Variants in DOCK8 observed in about 807,000 individuals in gnomAD.
The protein encoded by DOCK8 is dedicator of cytokinesis protein 8.
Under a neutral mutation model 245.6 loss-of-function variants are expected in DOCK8, and 141 were observed. The ratio of observed to expected loss-of-function variants is 0.57; its 90% CI spans 0.50 to 0.66. The LOEUF (loss-of-function observed/expected upper bound fraction) is 0.66. Ranked by LOEUF, DOCK8 falls within the 30% of genes least tolerant of loss-of-function variation. The probability of loss-of-function intolerance (pLI) is 0.00; values close to 1 mark genes in which losing one functional copy is unlikely to be tolerated. For synonymous variants in DOCK8, 1,168 were observed against 970.2 expected, an observed-to-expected ratio of 1.20 and a Z score of -3.79; for missense variants, 2,965 against 2,603.4, an observed-to-expected ratio of 1.14 and a Z score of -3.02.
At chr9:282,091 C>G (rs568415202) in intron 2 of DOCK8, among the ~76,000 whole-genome samples, 13 of 152,282 alleles carry the variant, frequency 8.5e-5, no homozygotes, top group African/African-American at 2.6e-4. Flanking sequence ...GATATATGTT[C>G]TTTATCAAAT....
At chr9:434,318 A>G (rs1416459552) in intron 38 of DOCK8, among the ~76,000 whole-genome samples, 2 of 152,192 alleles carry the variant, frequency 1.3e-5, no homozygotes, top group Non-Finnish European at 2.9e-5. Context: ...TCAGACATAC[A>G]TATATAGTTT....
chr9:415,097 C>G (rs2055930213), intron 29 of DOCK8, 146 bp downstream of exon 29: 1 of 1,166,718 alleles, frequency 8.6e-7, no homozygotes, highest in Non-Finnish European at 1.3e-6. Flanking sequence ...CTCTTTAACA[C>G]TGGCCCCAAT....
At chr9:410,017 T>C (rs2131573518) in intron 28 of DOCK8, among the ~76,000 whole-genome samples, 1 of 152,314 alleles carries the variant, frequency 6.6e-6, no homozygotes, top group South Asian at 2.1e-4. Flanking sequence ...TTATAAATCA[T>C]GCTGCTATAA....
chr9:243,627 T>G (rs1201015177), intron 1 of DOCK8, among the ~76,000 whole-genome samples: 1 of 152,134 alleles, frequency 6.6e-6, no homozygotes, highest in Non-Finnish European at 1.5e-5. Context: ...TTTGGACCAC[T>G]GCAGCGGTCC....
Position 370,199 on chromosome 9 carries a change from A to G in DOCK8, c.1798-31A>G, listed in dbSNP as rs12156499. ...AATTTGATGTACCCAAATGTTACTG[A>G]TAATTTGATCCTTTCTCTACTGGTG... On this transcript the variant is annotated intron_variant, in intron 15 of 47. Transcript: ENST00000432829. 213,766 of 1,582,890 alleles carry G rather than the reference A, an allele frequency of 0.14. 15,785 individuals carry two copies. Among genetic ancestry groups the G allele is most frequent in the Middle Eastern group, 0.18 (1,057 of 6,016 alleles).
chr9:313,234 G>C (rs2050203550), intron 6 of DOCK8, among the ~76,000 whole-genome samples: 1 of 152,196 alleles, frequency 6.6e-6, no homozygotes, highest in South Asian at 2.1e-4. Context: ...AGGGCAATTA[G>C]CCTTCACATC....
chr9:292,067 C>G (rs142389830), intron 4 of DOCK8, among the ~76,000 whole-genome samples: 1 of 14,102 alleles, frequency 7.1e-5, no homozygotes, highest in African/African-American at 1.6e-4. Context: ...AAGACCCTAT[C>G]TCAAAAAAAA....
chr9:296,763 T>C (rs1381328340), intron 4 of DOCK8, among the ~76,000 whole-genome samples: 1 of 152,192 alleles, frequency 6.6e-6, no homozygotes, highest in East Asian at 1.9e-4. Context: ...CACGCCCGGC[T>C]CATCAGCCTA....
At chr9:239,057 A>T (rs1290719613) in intron 1 of DOCK8, among the ~76,000 whole-genome samples, 2 of 152,220 alleles carry the variant, frequency 1.3e-5, no homozygotes, top group African/African-American at 4.8e-5. Flanking sequence ...GGGAACATGC[A>T]CACTCCACAC....
chr9:350,601 C>T (rs973930972), intron 14 of DOCK8, among the ~76,000 whole-genome samples: 9 of 152,118 alleles, frequency 5.9e-5, no homozygotes, highest in African/African-American at 1.2e-4. Context: ...ATTTTAATAA[C>T]GAGCCAACCC....
chr9:226,095 A>T (rs1289273088), intron 1 of DOCK8, among the ~76,000 whole-genome samples: 1 of 152,228 alleles, frequency 6.6e-6, no homozygotes, highest in African/African-American at 2.4e-5. Flanking sequence ...AAGACTGGAT[A>T]ATTTATAAAG....
At chr9:452,277 A>G (rs537522510) in intron 46 of DOCK8, among the ~76,000 whole-genome samples, 160 bp downstream of exon 46, 1 of 152,094 alleles carries the variant, frequency 6.6e-6, no homozygotes. Flanking sequence ...GTGGCTCAGC[A>G]ATGTGCAGTT....
intron 1 of DOCK8, among the ~76,000 whole-genome samples, chr9:216,591 C>T (rs1489019492): frequency 6.7e-6 from 1 of 148,914 alleles, no homozygotes; most frequent in African/African-American, 2.5e-5. Flanking sequence ...AGGGATCTCC[C>T]TATGGGAATT....
intron 2 of DOCK8, among the ~76,000 whole-genome samples, chr9:280,401 G>C (rs1165727111): frequency 1.3e-5 from 2 of 152,242 alleles, no homozygotes; most frequent in African/African-American, 4.8e-5. Flanking sequence ...GGTTCACTCA[G>C]AGAAACAGAA....
intron 26 of DOCK8, among the ~76,000 whole-genome samples, chr9:401,624 G>T (rs1413133616): frequency 6.6e-6 from 1 of 152,042 alleles, no homozygotes; most frequent in African/African-American, 2.4e-5. Context: ...TTTTGTTAAT[G>T]ACTGGGCATG....
At position 215,159 on chromosome 9, in the gene DOCK8, G is replaced by C. The variant is rs760273793; in HGVS notation, c.53+130G>C. The C allele has an allele frequency of 2.7e-6, 4 of 1,492,862 alleles. No homozygotes were observed. The Admixed American group carries it at 6.7e-5, about 25-fold the overall frequency. The allele number at this position is 1,492,862 out of a possible 1,614,324, so 92.5% of individuals were successfully genotyped here. On this transcript the variant is annotated intron_variant, in intron 1 of 47. Coordinates refer to ENST00000432829, the MANE Select transcript of DOCK8 (RefSeq NM_203447.4). The stretch of plus-strand genomic sequence containing the variant: ...CGCGGCGGGGCGCGCCTGAGACCTG[G>C]GGCGCCCGGTTCCCGAGGCTGCGGC...
intron 43 of DOCK8, among the ~76,000 whole-genome samples, chr9:444,675 C>G (rs2057197845): frequency 6.6e-6 from 1 of 152,204 alleles, no homozygotes; most frequent in South Asian, 2.1e-4. Flanking sequence ...TTGGTGGCCA[C>G]TTGGCATCCT....
At position 297,590 on chromosome 9, in the gene DOCK8, G is replaced by C. The variant is rs572209431; in HGVS notation, c.405-6991G>C. 7.9e-5 allele frequency among the ~76,000 whole-genome samples: 12 copies of C among 152,222 alleles called. No homozygotes were observed. In the South Asian group the frequency reaches 2.5e-3, roughly 32 times the overall value. On this transcript the variant is annotated intron_variant, in intron 4 of 47. Coordinates refer to ENST00000432829, the MANE Select transcript of DOCK8 (RefSeq NM_203447.4). ...TTTATTTGACTCCATTGCCAGGGTG[G>C]GGTAATGAAGCTGGGACTCTCTTGT...
At chr9:450,443 A>G (rs1439069510) in intron 45 of DOCK8, among the ~76,000 whole-genome samples, 1 of 152,164 alleles carries the variant, frequency 6.6e-6, no homozygotes, top group Non-Finnish European at 1.5e-5. Context: ...ACAAGACTAG[A>G]TCTTCCTATC....
Sources: allele counts gnomAD v4.1 joint callset (sites outside exome capture counted in the v4.1 genomes callset), GRCh38; gene constraint gnomAD v4.1.1; transcripts MANE v1.5; gene names NCBI Gene and HGNC (gene_info 2026-07-23, HGNC 2026-07-21).